RGSL1: variants seen among roughly 807,000 people sequenced by gnomAD.
The protein encoded by RGSL1 is regulator of G protein signaling like 1.
A neutral mutation model predicts 124.7 loss-of-function variants in RGSL1; 97 were observed. The observed-to-expected ratio is 0.78, with a 90% CI of 0.66 to 0.92. The LOEUF is 0.92. Ranked by LOEUF, RGSL1 falls within the 40% of genes least tolerant of loss-of-function variation. The pLI is 0.00. For missense variants in RGSL1, 1,233 were observed against 1,288.4 expected (o/e 0.96, Z 0.66); for synonymous variants, 424 against 438.1 (o/e 0.97, Z 0.40).
chr1:182,460,232 G>A, intron 4 of RGSL1, 99 bp downstream of exon 4: 7 of 1,332,708 alleles, frequency 5.3e-6, no homozygotes, highest in South Asian at 3.1e-5. Context: ...GCCTGTATGT[G>A]TGTGTGTGTG....
At chr1:182,467,032 TA>T (rs1395634122) in intron 4 of RGSL1, among the ~76,000 whole-genome samples, 10 of 152,152 alleles carry the variant, frequency 6.6e-5, no homozygotes, top group Non-Finnish European at 1.3e-4. Flanking sequence ...TCAAAGAGAA[TA>T]AAATACCTAG....
At chr1:182,463,275 C>CAT (rs1652999221) in intron 4 of RGSL1, among the ~76,000 whole-genome samples, 1 of 119,282 alleles carries the variant, frequency 8.4e-6, no homozygotes. Context: ...GCCTGGGCGA[C>CAT]AGAGCAAGAC....
intron 4 of RGSL1, among the ~76,000 whole-genome samples, chr1:182,469,424 G>A (rs573703198): frequency 1.3e-5 from 2 of 152,132 alleles, no homozygotes; most frequent in African/African-American, 4.8e-5. Flanking sequence ...TGCTCTACGG[G>A]ACTAATCATT....
chr1:182,503,650 T>C (rs1656574766), intron 9 of RGSL1, among the ~76,000 whole-genome samples: 1 of 151,970 alleles, frequency 6.6e-6, no homozygotes, highest in Non-Finnish European at 1.5e-5. Flanking sequence ...AGTTAATAGG[T>C]ATAAAAAAGT....
chr1:182,535,572 ATTT>A, intron 14 of RGSL1, among the ~76,000 whole-genome samples: 2 of 152,246 alleles, frequency 1.3e-5, no homozygotes, highest in East Asian at 3.9e-4. Flanking sequence ...CTCCTGCATC[ATTT>A]TTATTTTCTC....
At chr1:182,491,578 C>T (rs1013391660) in intron 8 of RGSL1, among the ~76,000 whole-genome samples, 1 of 152,114 alleles carries the variant, frequency 6.6e-6, no homozygotes, top group Non-Finnish European at 1.5e-5. Flanking sequence ...CCCAAGGTTG[C>T]TCAGCAAGGA....
intron 1 of RGSL1, 37 bp downstream of exon 1, chr1:182,450,215 T>C: frequency 6.4e-7 from 1 of 1,551,384 alleles, no homozygotes; most frequent in South Asian, 1.2e-5. Flanking sequence ...AGGCCTTGAG[T>C]CTCTCAAATA....
chr1:182,546,871 A>T (rs866767548), intron 15 of RGSL1, among the ~76,000 whole-genome samples: 1 of 152,210 alleles, frequency 6.6e-6, no homozygotes, highest in Non-Finnish European at 1.5e-5. Flanking sequence ...TTGGGAAGCA[A>T]CACACCTCCT....
chr1:182,542,686 C>G (rs796639395), intron 15 of RGSL1, among the ~76,000 whole-genome samples: 21 of 152,118 alleles, frequency 1.4e-4, no homozygotes, highest in African/African-American at 4.8e-4. Context: ...TTATGTTTTC[C>G]AATCCATGAG....
intron 4 of RGSL1, among the ~76,000 whole-genome samples, chr1:182,467,356 G>T (rs1653427753): frequency 6.6e-6 from 1 of 152,166 alleles, no homozygotes; most frequent in African/African-American, 2.4e-5. Flanking sequence ...CATGTTATCT[G>T]ACTTCAAACT....
intron 9 of RGSL1, among the ~76,000 whole-genome samples, chr1:182,515,478 T>A (rs1040634773): frequency 7.2e-6 from 1 of 138,988 alleles, no homozygotes; most frequent in Non-Finnish European, 1.5e-5. Context: ...CAAGCAGGGG[T>A]TGCTCCTCCC....
intron 9 of RGSL1, among the ~76,000 whole-genome samples, chr1:182,513,351 A>C (rs534959830): frequency 3.9e-5 from 6 of 152,180 alleles, no homozygotes; most frequent in Non-Finnish European, 8.8e-5. Flanking sequence ...TTGGAGTTTG[A>C]TGTCCTAGGT....
intron 4 of RGSL1, among the ~76,000 whole-genome samples, chr1:182,467,304 C>T (rs10911081): frequency 0.16 from 25,016 of 152,094 alleles, 2,454 homozygotes; most frequent in Admixed American, 0.26. Flanking sequence ...GAGCCCTCAT[C>T]GCCAAGTCAA....
chr1:182,466,649 C>T lies in RGSL1; in HGVS notation c.302-5747C>T, dbSNP rs114605064. Among the ~76,000 whole-genome samples the T allele has an allele frequency of 6.4e-3, 972 of 152,202 alleles. 10 individuals are homozygous for T. Among genetic ancestry groups the T allele is most frequent in the African/African-American group, 0.022 (917 of 41,550 alleles). ...AGGTGAAAGACTTGCACAATAAAAA[C>T]TACAAAACATTGCTGAAAGAAATTA... On this transcript the variant is annotated intron_variant, in intron 4 of 21. Transcript: ENST00000294854.
chr1:182,455,243 G>A (rs760370164), intron 2 of RGSL1, among the ~76,000 whole-genome samples: 7 of 152,164 alleles, frequency 4.6e-5, no homozygotes, highest in Non-Finnish European at 1.5e-5. Context: ...GGAGGTACTT[G>A]ACAGGTAACT....
intron 6 of RGSL1, among the ~76,000 whole-genome samples, chr1:182,487,742 A>G (rs141398758): frequency 6.6e-6 from 1 of 152,336 alleles, no homozygotes; most frequent in East Asian, 1.9e-4. Flanking sequence ...TGCCTGACAC[A>G]TAGGAGGCAT....
chr1:182,478,123 C>T (rs1475000044), intron 6 of RGSL1, among the ~76,000 whole-genome samples: 1 of 152,084 alleles, frequency 6.6e-6, no homozygotes. Context: ...CACTCTGTCA[C>T]CCAGGCTGGA....
intron 19 of RGSL1, 144 bp downstream of exon 19, chr1:182,553,685 G>A: frequency 1.4e-6 from 1 of 692,078 alleles, no homozygotes; most frequent in Non-Finnish European, 2.5e-6. Context: ...CACATAGCTT[G>A]TGAGTGGCAG....
chr1:182,458,178 A>C, intron 2 of RGSL1, 141 bp from the exon 3 acceptor site: 1 of 618,672 alleles, frequency 1.6e-6, no homozygotes, highest in Non-Finnish European at 2.9e-6. Flanking sequence ...AAGTTGATGG[A>C]GTAGAATAAA....
Sources: gnomAD v4.1 joint callset for allele counts (sites outside exome capture counted in the v4.1 genomes callset) on GRCh38, gnomAD v4.1.1 for gene constraint, MANE v1.5 for transcripts, NCBI Gene and HGNC (gene_info 2026-07-23, HGNC 2026-07-21) for gene names.